The following NLGN1 variants were observed in gnomAD, a reference collection of about 807,000 sequenced individuals.
NLGN1 encodes neuroligin-1.
NLGN1 carries 12 observed loss-of-function variants against 65.5 expected under a neutral mutation model. That is an observed-to-expected ratio of 0.18 (90% confidence interval 0.12 to 0.30). NLGN1 has a LOEUF of 0.30. NLGN1 is among the 10% of genes least tolerant of loss of function. NLGN1 has a pLI of 1.00. For missense variants in NLGN1, 750 were observed against 1,007.1 expected (o/e 0.74, Z 3.46); for synonymous variants, 350 against 359.5 (o/e 0.97, Z 0.30).
At chr3:173,952,616 T>C (rs190541073) in intron 4 of NLGN1, among the ~76,000 whole-genome samples, 1 of 152,346 alleles carries the variant, frequency 6.6e-6, no homozygotes, top group East Asian at 1.9e-4. Context: ...AGCTGTTTCA[T>C]GATTTCCCTT....
intron 2 of NLGN1, among the ~76,000 whole-genome samples, chr3:173,501,677 AAAT>A (rs1313130311): frequency 2.7e-5 from 4 of 150,020 alleles, no homozygotes; most frequent in Non-Finnish European, 5.9e-5. Flanking sequence ...ATTATATATA[AAAT>A]AATAATTATA....
Position 174,108,133 on chromosome 3 carries a change from T to C in NLGN1, c.647-167182T>C, listed in dbSNP as rs929168559. Among the ~76,000 whole-genome samples, 4 of 152,160 alleles carry C rather than the reference T, an allele frequency of 2.6e-5. No homozygotes were observed. The South Asian group carries it at 6.2e-4, about 24-fold the overall frequency. On this transcript the variant is annotated intron_variant, in intron 4 of 6. Transcript: ENST00000457714. ...CTGCATCTTTCACAGAGCAATTTTT[T>C]AAAATTTTGATAAATTCTATTGTAT...
chr3:174,092,363 G>A (rs1029458359), intron 4 of NLGN1, among the ~76,000 whole-genome samples: 1 of 152,156 alleles, frequency 6.6e-6, no homozygotes, highest in Non-Finnish European at 1.5e-5. Context: ...ATAGGCATAA[G>A]ATTGGGAGTC....
At chr3:173,440,060 A>T (rs1020346678) in intron 2 of NLGN1, among the ~76,000 whole-genome samples, 1 of 152,148 alleles carries the variant, frequency 6.6e-6, no homozygotes, top group Non-Finnish European at 1.5e-5. Flanking sequence ...AGTTTATGTG[A>T]TGTACTAAAT....
At chr3:173,432,103 G>T (rs77188124) in intron 1 of NLGN1, among the ~76,000 whole-genome samples, 3,906 of 152,102 alleles carry the variant, frequency 0.026, 181 homozygotes, top group African/African-American at 0.089. Context: ...TTGTCAATAT[G>T]CATAACAGTT....
intron 3 of NLGN1, among the ~76,000 whole-genome samples, chr3:173,759,958 A>G (rs1468302634): frequency 6.6e-6 from 1 of 151,884 alleles, no homozygotes; most frequent in Non-Finnish European, 1.5e-5. Flanking sequence ...GTTTTCTTTT[A>G]GTGGGTAGTT....
At chr3:173,440,224 GT>G (rs1226054226) in intron 2 of NLGN1, among the ~76,000 whole-genome samples, 5 of 151,922 alleles carry the variant, frequency 3.3e-5, no homozygotes, top group South Asian at 4.1e-4. Context: ...TTTAATTCTA[GT>G]TTTTTTGCTA....
At chr3:173,706,674 A>C (rs1768088374) in intron 3 of NLGN1, among the ~76,000 whole-genome samples, 1 of 152,234 alleles carries the variant, frequency 6.6e-6, no homozygotes, top group South Asian at 2.1e-4. Flanking sequence ...AGGCATTACC[A>C]AGCCTATAGC....
intron 2 of NLGN1, among the ~76,000 whole-genome samples, chr3:173,539,624 T>TCATATATGTACAGATATAGCATATATG: frequency 1.8e-5 from 1 of 55,040 alleles, no homozygotes; most frequent in South Asian, 8.5e-4. Context: ...TATTATATAT[T>TCATATATGTACAGATATAGCATATATG]TATATATACA....
intron 1 of NLGN1, among the ~76,000 whole-genome samples, chr3:173,405,043 G>A (rs898553201): frequency 1.3e-5 from 2 of 152,038 alleles, no homozygotes; most frequent in Admixed American, 6.6e-5. Flanking sequence ...TTAGCAAGAT[G>A]CATTAGCTTA....
In NLGN1 at chr3:173,425,975, TA is replaced by T. The variant is rs780384965; in HGVS notation, c.-389-9033del. ...TTCTCCAGGAACATGATATGTCTTT[TA>T]ATTTTTTGTGTGTCATTTTTAATTT... is the stretch of plus-strand genomic sequence containing the variant. On this transcript the variant is annotated intron_variant, in intron 1 of 6. Coordinates refer to ENST00000457714, the Ensembl canonical transcript of NLGN1. Among the ~76,000 whole-genome samples the T allele has an allele frequency of 7.7e-4, 118 of 152,312 alleles. 1 individual carries two copies. Among genetic ancestry groups the T allele is most frequent in the Admixed American group, 3.9e-4 (6 of 15,292 alleles).
intron 4 of NLGN1, among the ~76,000 whole-genome samples, chr3:173,855,679 C>T (rs545898107): frequency 3.9e-5 from 6 of 152,068 alleles, no homozygotes; most frequent in Non-Finnish European, 8.8e-5. Context: ...TTCCACCAAA[C>T]GTCTATTATT....
intron 3 of NLGN1, chr3:173,800,268 T>A: frequency 1.1e-6 from 1 of 908,686 alleles, no homozygotes; most frequent in Admixed American, 3.8e-5. Flanking sequence ...TTTTTTTTCC[T>A]CCATTTCTCC....
At chr3:174,030,415 C>G (rs1041472418) in intron 4 of NLGN1, among the ~76,000 whole-genome samples, 5 of 152,154 alleles carry the variant, frequency 3.3e-5, no homozygotes, top group African/African-American at 1.2e-4. Context: ...TGAGCCACCT[C>G]GCCCAGCCAG....
At chr3:173,722,969 G>A (rs1297096657) in intron 3 of NLGN1, among the ~76,000 whole-genome samples, 3 of 152,216 alleles carry the variant, frequency 2.0e-5, no homozygotes, top group Non-Finnish European at 4.4e-5. Flanking sequence ...GATAGGCAGA[G>A]AAGATCTCCT....
At chr3:173,547,400 T>C (rs1473624797) in intron 2 of NLGN1, among the ~76,000 whole-genome samples, 1 of 152,186 alleles carries the variant, frequency 6.6e-6, no homozygotes, top group Non-Finnish European at 1.5e-5. Flanking sequence ...AAGAATGTTA[T>C]CGGGTCATTA....
At chr3:174,062,404 C>T (rs1163819006) in intron 4 of NLGN1, among the ~76,000 whole-genome samples, 1 of 152,098 alleles carries the variant, frequency 6.6e-6, no homozygotes, top group Non-Finnish European at 1.5e-5. Flanking sequence ...ATCAATACCA[C>T]ATGTTGGCTA....
intron 4 of NLGN1, among the ~76,000 whole-genome samples, chr3:174,042,303 T>C (rs1056690959): frequency 6.6e-6 from 1 of 152,182 alleles, no homozygotes; most frequent in Non-Finnish European, 1.5e-5. Flanking sequence ...CTCCAAGCCA[T>C]ACAGGTATCC....
At chr3:174,217,873 C>T (rs1389021323) in intron 4 of NLGN1, among the ~76,000 whole-genome samples, 2 of 151,836 alleles carry the variant, frequency 1.3e-5, no homozygotes, top group Non-Finnish European at 2.9e-5. Context: ...AGGGAAGCAC[C>T]AAAAGAATAC....
Sources: gnomAD v4.1 joint callset for allele counts (sites outside exome capture counted in the v4.1 genomes callset) on GRCh38, gnomAD v4.1.1 for gene constraint, MANE v1.5 for transcripts, NCBI Gene and HGNC (gene_info 2026-07-23, HGNC 2026-07-21) for gene names.